Variants in DNAH14 observed in about 807,000 individuals in gnomAD.
DNAH14 encodes dynein axonemal heavy chain 14.
Under a neutral mutation model 520.9 loss-of-function variants are expected in DNAH14, and 478 were observed. That is an observed-to-expected ratio of 0.92 (90% CI 0.85 to 0.99). The LOEUF (loss-of-function observed/expected upper bound fraction) is 0.99, where lower values mean the gene tolerates loss of function less well. Ranked by LOEUF, DNAH14 falls within the 50% of genes least tolerant of loss-of-function variation. DNAH14 has a pLI of 0.00. For synonymous variants in DNAH14, 1,581 were observed against 1,757.2 expected, an observed-to-expected ratio of 0.90 and a Z score of 2.51; for missense variants, 4,831 against 5,234.5, an observed-to-expected ratio of 0.92 and a Z score of 2.38.
intron 39 of DNAH14, 57 bp from the exon 40 acceptor site, chr1:225,205,914 G>T: frequency 1.5e-6 from 2 of 1,377,768 alleles, no homozygotes; most frequent in South Asian, 2.6e-5. Flanking sequence ...TAGCAAGATT[G>T]TAATGAAAGA....
chr1:224,942,872 T>G (rs974624347), intron 1 of DNAH14, among the ~76,000 whole-genome samples: 10 of 152,196 alleles, frequency 6.6e-5, no homozygotes, highest in African/African-American at 1.7e-4. Flanking sequence ...TCATGGTGGA[T>G]AAGCTTTTTG....
intron 2 of DNAH14, among the ~76,000 whole-genome samples, chr1:224,954,276 G>GTGCTAATAT (rs2060365065): frequency 6.6e-6 from 1 of 152,054 alleles, no homozygotes; most frequent in Non-Finnish European, 1.5e-5. Context: ...TGCTTTCTTT[G>GTGCTAATAT]TCCTAGAAAA....
intron 38 of DNAH14, among the ~76,000 whole-genome samples, chr1:225,193,561 T>A (rs912470099): frequency 1.3e-5 from 2 of 151,934 alleles, no homozygotes; most frequent in East Asian, 1.9e-4. Flanking sequence ...AATAGGTTAA[T>A]AAAGATTTTT....
At chr1:225,322,902 T>C in intron 62 of DNAH14, 79 bp downstream of exon 62, 1 of 1,333,254 alleles carries the variant, frequency 7.5e-7, no homozygotes, top group Non-Finnish European at 1.0e-6. Flanking sequence ...ATCTAAATTG[T>C]TCTATTCTTA....
At chr1:225,376,711 T>G (rs916932640) in intron 78 of DNAH14, among the ~76,000 whole-genome samples, 2 of 152,236 alleles carry the variant, frequency 1.3e-5, no homozygotes, top group Non-Finnish European at 2.9e-5. Flanking sequence ...GGTAATTTTT[T>G]TAATCAGTGA....
At chr1:225,240,854 T>TTATTTTAAATTAA in intron 43 of DNAH14, 32 bp downstream of exon 43, 2 of 1,384,562 alleles carry the variant, frequency 1.4e-6, no homozygotes, top group Non-Finnish European at 2.0e-6. Flanking sequence ...ATAACTATAC[T>TTATTTTAAATTAA]TATTTTAAAA....
intron 44 of DNAH14, 56 bp from the exon 45 acceptor site, chr1:225,257,901 AGAT>A (rs2092797733): frequency 8.2e-7 from 1 of 1,222,672 alleles, no homozygotes; most frequent in Non-Finnish European, 1.1e-6. Flanking sequence ...AAAAAAAAAA[AGAT>A]GAGGTGAATA....
chr1:225,159,445 C>T lies in DNAH14; in HGVS notation c.5405C>T (p.Pro1802Leu). 6.5e-7 allele frequency: 1 copy of T among 1,538,600 alleles called. No homozygotes were observed. The change falls in exon 35 of 86, where the codon CCA becomes CTA. Residue 1802 changes from proline to leucine, a missense_variant. Coordinates refer to ENST00000682510, the MANE Select transcript of DNAH14 (RefSeq NM_001367479.1). ...LFENIIGDIF[P>L]EVTVLKVNQL... is the part of the protein sequence containing the mutation. The stretch of plus-strand genomic sequence containing the variant: ...GAAAATATTATAGGAGATATTTTTC[C>T]AGAAGTGACAGTTTTGAAAGTAAAT...
chr1:225,246,105 CAAA>C (rs140007042), intron 43 of DNAH14, among the ~76,000 whole-genome samples: 3 of 77,722 alleles, frequency 3.9e-5, no homozygotes, highest in African/African-American at 9.6e-5. Context: ...ACAAACCTGG[CAAA>C]AAAAAAAAAA....
At chr1:225,389,517 T>G (rs925761413) in intron 82 of DNAH14, among the ~76,000 whole-genome samples, 1 of 152,260 alleles carries the variant, frequency 6.6e-6, no homozygotes, top group Non-Finnish European at 1.5e-5. Flanking sequence ...CATCTGTTGT[T>G]ACCCAAATCT....
At chr1:225,381,316 G>C in intron 80 of DNAH14, 67 bp from the exon 81 acceptor site, 1 of 1,439,320 alleles carries the variant, frequency 6.9e-7, no homozygotes, top group Non-Finnish European at 9.3e-7. Context: ...CAAAGCCTAA[G>C]TCCCTCCATG....
chr1:225,241,605 C>T lies in DNAH14; in HGVS notation c.6748+783C>T, dbSNP rs1018370423. On this transcript the variant is annotated intron_variant, in intron 43 of 85. Transcript: ENST00000682510. Reference sequence around the variant, plus strand: ...CTAGATAGTGTAGCCTACTACACACCTAGGCTATATGGCATAACCTATTGC... The same window carrying T: ...CTAGATAGTGTAGCCTACTACACACTTAGGCTATATGGCATAACCTATTGC... Among the ~76,000 whole-genome samples, 5 of 152,110 alleles carry T rather than the reference C, an allele frequency of 3.3e-5. No homozygotes were observed. The South Asian group carries it at 1.0e-3, about 32-fold the overall frequency.
At chr1:225,227,447 G>A (rs192921908) in intron 41 of DNAH14, among the ~76,000 whole-genome samples, 65 of 152,302 alleles carry the variant, frequency 4.3e-4, no homozygotes, top group African/African-American at 1.5e-3. Flanking sequence ...GTTTCTGCGA[G>A]CACAGGGTTG....
chr1:225,240,697 A>G lies in DNAH14; in HGVS notation c.6623A>G (p.Asn2208Ser). Residue 2208 changes from asparagine to serine, a missense_variant, in exon 43 of 86, where the codon AAC becomes AGC. Coordinates refer to ENST00000682510, the MANE Select transcript of DNAH14 (RefSeq NM_001367479.1). ...AFTWAFGGAL[N>S]REDEHRENIP... ...ACTTGGGCATTTGGAGGAGCTTTAA[A>G]CCGTGAAGATGAACACAGAGAAAAT... 6.4e-7 allele frequency: 1 copy of G among 1,551,142 alleles called. No individual in the cohort carries two copies. The highest frequency in any genetic ancestry group is 8.7e-7 in the Non-Finnish European group (1 of 1,146,640).
rs370980116 is a variant in DNAH14 at position 225,374,248 on chromosome 1, CTA to C, written c.12319-418_12319-417del. On this transcript the variant is annotated intron_variant, in intron 77 of 85. Transcript: ENST00000682510. Reference sequence around the variant, plus strand: ...AAATATATATAATATATATATTTGTCTATATATATATATATATATATATTTTT... The same window carrying C: ...AAATATATATAATATATATATTTGTCTATATATATATATATATATATTTTT... Among the ~76,000 whole-genome samples, 140 of 77,860 alleles carry C rather than the reference CTA, an allele frequency of 1.8e-3. 3 individuals are homozygous for C. The highest frequency in any genetic ancestry group is 3.2e-3 in the African/African-American group (72 of 22,156). 51.1% of individuals were successfully genotyped at this position (77,860 alleles called of 152,430 possible).
chr1:225,266,701 C>A lies in DNAH14; in HGVS notation c.7471C>A (p.Pro2491Thr), dbSNP rs535873369. The A allele has an allele frequency of 2.5e-5, 38 of 1,520,780 alleles. No individual in the cohort carries two copies. The highest frequency in any genetic ancestry group is 3.2e-5 in the Non-Finnish European group (37 of 1,138,800). The allele number at this position is 1,520,780 out of a possible 1,614,324, so 94.2% of individuals were successfully genotyped here. A position where few individuals can be genotyped will look rare whatever the true frequency, so the allele number is the denominator to read the frequency against. Residue 2491 changes from proline (P) to threonine (T), a missense_variant, in exon 49 of 86, where the codon CCC becomes ACC. Coordinates refer to ENST00000682510, the MANE Select transcript of DNAH14 (RefSeq NM_001367479.1). Reference protein sequence around the residue: ...PVSDMYGAQPPLELIRQLLDL... With the variant: ...PVSDMYGAQPTLELIRQLLDL... ...ATCAGATATGTATGGAGCACAGCCACCCCTGGAATTGATAAGACAATTGTT... is the reference window on the plus strand; with the variant it reads ...ATCAGATATGTATGGAGCACAGCCAACCCTGGAATTGATAAGACAATTGTT...
At position 225,337,643 on chromosome 1, in the gene DNAH14, A is replaced by T. The variant is rs1421034102; in HGVS notation, c.10311+147A>T. On this transcript the variant is annotated intron_variant, in intron 67 of 85. Transcript: ENST00000682510. Reference sequence around the variant, plus strand: ...CACACATATATACTTACAGACAGAGAGTGAGTTTTCAATGCTCAGTTCTCT... The same window carrying T: ...CACACATATATACTTACAGACAGAGTGTGAGTTTTCAATGCTCAGTTCTCT... 5 of 659,334 alleles carry T rather than the reference A, an allele frequency of 7.6e-6. No homozygotes were observed. In the African/African-American group the frequency reaches 9.1e-5, roughly 12 times the overall value. 40.8% of individuals were successfully genotyped at this position (659,334 alleles called of 1,614,324 possible). A position where few individuals can be genotyped will look rare whatever the true frequency, so the allele number is the denominator to read the frequency against.
chr1:225,347,355 T>G (rs2095301549), intron 71 of DNAH14, among the ~76,000 whole-genome samples: 1 of 152,106 alleles, frequency 6.6e-6, no homozygotes, highest in Non-Finnish European at 1.5e-5. Flanking sequence ...GAGATTCCAG[T>G]GAAAGGGGTA....
At chr1:225,012,025 G>A (rs2064815407) in intron 10 of DNAH14, among the ~76,000 whole-genome samples, 1 of 152,060 alleles carries the variant, frequency 6.6e-6, no homozygotes, top group Non-Finnish European at 1.5e-5. Context: ...CCCATTAGTT[G>A]ATGCAGTTTC....
Sources: gnomAD v4.1 joint callset for allele counts (sites outside exome capture counted in the v4.1 genomes callset) on GRCh38, gnomAD v4.1.1 for gene constraint, MANE v1.5 for transcripts, NCBI Gene and HGNC (gene_info 2026-07-23, HGNC 2026-07-21) for gene names.